The following ARAF variants were observed in gnomAD, a reference collection of about 807,000 sequenced individuals.
ARAF encodes the protein A-Raf proto-oncogene, serine/threonine kinase.
A neutral mutation model predicts 48.0 loss-of-function variants in ARAF; 18 were observed. The observed-to-expected ratio is 0.37, with a 90% confidence interval of 0.26 to 0.56. The LOEUF (loss-of-function observed/expected upper bound fraction) is 0.56, where lower values mean the gene tolerates loss of function less well. ARAF is among the 20% of genes least tolerant of loss of function. ARAF has a pLI of 0.77. For missense variants in ARAF, 389 were observed against 543.1 expected (o/e 0.72, Z 2.82); for synonymous variants, 207 against 220.1 (o/e 0.94, Z 0.53).
At chrX:47,567,633 G>C (rs372265541) in intron 10 of ARAF, among the ~76,000 whole-genome samples, 1 of 111,609 alleles carries the variant, frequency 9.0e-6, no homozygotes, top group Non-Finnish European at 1.9e-5. Flanking sequence ...TCATGCAGTT[G>C]TTTGTGTTTG....
At chrX:47,568,964 G>A (rs778488722) in intron 11 of ARAF, 23 bp from the exon 12 acceptor site, 33 of 1,200,017 alleles carry the variant, frequency 2.7e-5, no homozygotes, top group South Asian at 2.0e-4. Context: ...CAGCCAATCC[G>A]CCACCTGCCT....
At chrX:47,570,329 C>G (rs2057750204) in intron 14 of ARAF, 1 of 244,944 alleles carries the variant, frequency 4.1e-6, no homozygotes, top group Admixed American at 5.7e-5. Flanking sequence ...CCAAAGCCCT[C>G]TGTATCCCTA....
At chrX:47,562,881 CT>C (rs753185948) in intron 1 of ARAF, 27 bp from the exon 2 acceptor site, 1 of 724,121 alleles carries the variant, frequency 1.4e-6, no homozygotes, top group South Asian at 2.8e-5. Flanking sequence ...ATTATTGGAC[CT>C]CTGAATTCTT....
rs1283082877 is a variant in ARAF, at chrX:47,563,235, C to T, written c.106C>T (p.Arg36Trp). ...CTGCACATACACACAGGTGACTGTC[C>T]GGGATGGCATGAGTGTCTACGACTC... is the stretch of plus-strand genomic sequence containing the variant. ...PNKQRTVVTV[R>W]DGMSVYDSLD... The change falls in exon 3 of 16, where the codon CGG becomes TGG. Residue 36 changes from arginine (R) to tryptophan (W), a missense_variant. Around this residue, in one of 4 missense-constraint regions of ARAF, gnomAD observed 47 missense variants for 66.9 expected, o/e 0.70. Coordinates refer to ENST00000377045, the MANE Select transcript of ARAF (RefSeq NM_001654.5). 8.3e-7 allele frequency: 1 copy of T among 1,209,787 alleles called. No individual in the cohort carries two copies. Among genetic ancestry groups the T allele is most frequent in the South Asian group, 1.8e-5 (1 of 56,472 alleles).
chrX:47,564,785 T>A lies in ARAF; in HGVS notation c.201-12T>A. The A allele has an allele frequency of 8.4e-7, 1 of 1,183,948 alleles. No individual in the cohort carries two copies. On this transcript the variant is annotated splice_polypyrimidine_tract_variant and intron_variant, in intron 3 of 15. Transcript: ENST00000377045. The stretch of plus-strand genomic sequence containing the variant: ...CCAACCTCCCACTCATTCCTTTCCA[T>A]GCCCCCTGCAGACGAAAGACGGTCA...
chrX:47,571,874 C>CT lies in ARAF; in HGVS notation c.*420dup, dbSNP rs2057760385. 3.2e-5 allele frequency: 6 copies of CT among 186,546 alleles called. No individual in the cohort carries two copies. The South Asian group carries it at 1.4e-3, about 44-fold the overall frequency. The allele number at this position is 186,546 out of a possible 1,213,427, so 15.4% of individuals were successfully genotyped here. A position where few individuals can be genotyped will look rare whatever the true frequency, so the allele number is the denominator to read the frequency against. On this transcript the variant is annotated 3_prime_UTR_variant, in exon 16 of 16. Coordinates refer to ENST00000377045, the MANE Select transcript of ARAF (RefSeq NM_001654.5). Reference sequence around the variant, plus strand: ...TCCCCCGCCATTCAAGGACTCCTCTCTTTCTTCACCAAGAAGCACAGAATT... The same window carrying CT: ...TCCCCCGCCATTCAAGGACTCCTCTCTTTTCTTCACCAAGAAGCACAGAATT...
chrX:47,565,320 T>C lies in ARAF; in HGVS notation c.527T>C (p.Leu176Pro). The C allele has an allele frequency of 8.3e-7, 1 of 1,211,694 alleles. No homozygotes were observed. Among genetic ancestry groups the C allele is most frequent in the Non-Finnish European group, 1.1e-6 (1 of 895,334 alleles). ...CATGAGGCTCCCTCGAACCGCCCCCTGAATGAGTTGCTAACCCCCCAGGGT... is the reference window on the plus strand; with the variant it reads ...CATGAGGCTCCCTCGAACCGCCCCCCGAATGAGTTGCTAACCCCCCAGGGT... The part of the protein sequence containing the change: ...RQHEAPSNRP[L>P]NELLTPQGPS... Residue 176 changes from leucine (L) to proline (P), a missense_variant, in exon 6 of 16, where the codon CTG becomes CCG. By Grantham distance (98) the Leu-to-Pro change is moderately conservative. Coordinates refer to ENST00000377045, the MANE Select transcript of ARAF (RefSeq NM_001654.5).
At position 47,571,699 on chromosome X, in the gene ARAF, A is replaced by G. The variant is rs1405656921; in HGVS notation, c.*242A>G. The G allele has an allele frequency of 2.1e-5, 8 of 381,419 alleles. No individual in the cohort carries two copies. In the Admixed American group the frequency reaches 3.7e-4, roughly 18 times the overall value. 31.4% of individuals were successfully genotyped at this position (381,419 alleles called of 1,213,427 possible). On this transcript the variant is annotated 3_prime_UTR_variant, in exon 16 of 16. Transcript: ENST00000377045. ...TCCTCTTGGCTTTGGGGATACTTCT[A>G]AATTTTGGGAGCTCCTCCATCTCCA...
intron 1 of ARAF, 23 bp from the exon 2 acceptor site, chrX:47,562,886 A>C: frequency 1.3e-6 from 1 of 776,879 alleles, no homozygotes; most frequent in Non-Finnish European, 1.8e-6. Flanking sequence ...TGGACCTCTG[A>C]ATTCTTGTCT....
chrX:47,570,303 G>A, intron 14 of ARAF: 1 of 288,837 alleles, frequency 3.5e-6, no homozygotes, highest in Non-Finnish European at 6.2e-6. Flanking sequence ...AGAATCCCCT[G>A]AGGCCCCCAA....
At position 47,568,768 on chromosome X, in the gene ARAF, C is replaced by T. The variant is rs1320336824; in HGVS notation, c.1127C>T (p.Pro376Leu). 5.8e-6 allele frequency: 7 copies of T among 1,209,718 alleles called. No homozygotes were observed. The highest frequency in any genetic ancestry group is 3.0e-5 in the East Asian group (1 of 33,747). ...CTGTTTATGGGCTTCATGACCCGGC[C>T]GGGATTTGCCATCATCACACAGTGG... The part of the protein sequence containing the change: ...ILLFMGFMTR[P>L]GFAIITQWCE... Residue 376 changes from proline to leucine, a missense_variant, in exon 11 of 16, where the codon CCG becomes CTG. By Grantham distance (98) the Pro-to-Leu change is moderately conservative. Around this residue, in one of 4 missense-constraint regions of ARAF, gnomAD observed 170 missense variants for 281.4 expected, o/e 0.60. Transcript: ENST00000377045.
At chrX:47,571,053 C>G (rs1390585217) in intron 15 of ARAF, 41 bp downstream of exon 15, 6 of 1,191,524 alleles carry the variant, frequency 5.0e-6, no homozygotes, top group Non-Finnish European at 5.7e-6. Flanking sequence ...GTGGGTGACT[C>G]TGGGATAGAG....
At chrX:47,566,343 A>G (rs1340376078) in intron 6 of ARAF, among the ~76,000 whole-genome samples, 1 of 111,655 alleles carries the variant, frequency 9.0e-6, no homozygotes, top group African/African-American at 3.3e-5. Flanking sequence ...ATTTTGCTTT[A>G]CTATTTTTCT....
At chrX:47,564,715 C>A in intron 3 of ARAF, 82 bp from the exon 4 acceptor site, 2 of 770,028 alleles carry the variant, frequency 2.6e-6, no homozygotes, top group Non-Finnish European at 3.9e-6. Flanking sequence ...GGGTAGCAGG[C>A]TTGGAGGGAC....
Position 47,571,849 on chromosome X carries a change from T to C in ARAF, c.*392T>C, listed in dbSNP as rs904633760. On this transcript the variant is annotated 3_prime_UTR_variant, in exon 16 of 16. Coordinates refer to ENST00000377045, the MANE Select transcript of ARAF (RefSeq NM_001654.5). ...GATTTTGGGGGGTCCCTTTTGTGTC[T>C]CCCCCGCCATTCAAGGACTCCTCTC... is the stretch of plus-strand genomic sequence containing the variant. The C allele has an allele frequency of 5.2e-6, 1 of 193,788 alleles. No individual in the cohort carries two copies. Among genetic ancestry groups the C allele is most frequent in the Non-Finnish European group, 9.5e-6 (1 of 105,038 alleles). The allele number at this position is 193,788 out of a possible 1,213,427, so 16.0% of individuals were successfully genotyped here.
chrX:47,571,243 G>A, intron 15 of ARAF, 80 bp from the exon 16 acceptor site: 1 of 1,004,743 alleles, frequency 1.0e-6, no homozygotes, highest in East Asian at 3.2e-5. Context: ...GTGTGTGTGT[G>A]TGTGTTTCGC....
Position 47,566,660 on chromosome X carries a change from C to G in ARAF, c.579C>G (p.Asp193Glu), listed in dbSNP as rs1197389088. Residue 193 changes from aspartate to glutamate, a missense_variant, in exon 7 of 16, where the codon GAC (aspartate) becomes GAG (glutamate). By Grantham distance (45) the Asp-to-Glu change is conservative (BLOSUM62 2). Around this residue, in one of 4 missense-constraint regions of ARAF, gnomAD observed 154 missense variants for 133.6 expected, o/e 1.15. Transcript: ENST00000377045. ...QGPSPRTQHCDPEHFPFPAPA... is the reference protein window; with the variant it reads ...QGPSPRTQHCEPEHFPFPAPA... The stretch of plus-strand genomic sequence containing the variant: ...GCAGCCCCCGCACCCAGCACTGTGA[C>G]CCGGAGCACTTCCCCTTCCCTGCCC... 8.5e-7 allele frequency: 1 copy of G among 1,177,855 alleles called. No individual in the cohort carries two copies. Among genetic ancestry groups the G allele is most frequent in the East Asian group, 3.0e-5 (1 of 33,426 alleles).
In ARAF at chrX:47,567,098, G is replaced by A. The variant is rs780206875; in HGVS notation, c.840G>A (p.Glu280=). ...PHSKSPAEQR[E]RKSLADDKKK... ...CCAAGTCACCAGCAGAGCAGCGCGA[G>A]CGGAAGTCCTTGGCCGATGACAAGA... The change falls in exon 9 of 16, where the codon GAG becomes GAA. Residue 280 remains glutamate, a synonymous_variant. Coordinates refer to ENST00000377045, the MANE Select transcript of ARAF (RefSeq NM_001654.5). The A allele has an allele frequency of 3.3e-6, 4 of 1,211,985 alleles. No homozygotes were observed. The Admixed American group carries it at 8.7e-5, about 26-fold the overall frequency.
intron 4 of ARAF, 35 bp from the exon 5 acceptor site, chrX:47,564,950 A>G: frequency 8.3e-7 from 1 of 1,211,429 alleles, no homozygotes; most frequent in Non-Finnish European, 1.1e-6. Flanking sequence ...GGTGTCCTTG[A>G]CCAGGTCTCA....
Sources: gnomAD v4.1 joint callset for allele counts (sites outside exome capture counted in the v4.1 genomes callset) on GRCh38, gnomAD v4.1.1 for gene constraint, gnomAD v4.1.1 regional missense constraint, MANE v1.5 for transcripts, NCBI Gene and HGNC (gene_info 2026-07-23, HGNC 2026-07-21) for gene names.